Variants in PSTPIP1 observed in about 807,000 individuals in gnomAD.
PSTPIP1 encodes the protein proline-serine-threonine phosphatase interacting protein 1, also known as proline-serine-threonine phosphatase-interacting protein 1.
Under a neutral mutation model 69.6 loss-of-function variants are expected in PSTPIP1, and 66 were observed. The observed-to-expected ratio is 0.95, with a 90% CI of 0.78 to 1.16. The LOEUF (loss-of-function observed/expected upper bound fraction) is 1.16. Ranked by LOEUF, PSTPIP1 falls within the 50% of genes most tolerant of loss-of-function variation. The probability of loss-of-function intolerance (pLI) is 0.00; values close to 1 mark genes in which losing one functional copy is unlikely to be tolerated. For missense variants in PSTPIP1, 603 were observed against 557.4 expected (o/e 1.08, Z -0.82); for synonymous variants, 266 against 222.7 (o/e 1.19, Z -1.73).
intron 1 of PSTPIP1, among the ~76,000 whole-genome samples, chr15:77,010,922 A>T (rs2075921342): frequency 6.6e-6 from 1 of 152,114 alleles, no homozygotes; most frequent in Non-Finnish European, 1.5e-5. Context: ...CTGGGATTTC[A>T]GTTGTGAGCC....
intron 1 of PSTPIP1, among the ~76,000 whole-genome samples, chr15:77,009,086 T>C (rs1000045073): frequency 2.0e-5 from 3 of 152,134 alleles, no homozygotes; most frequent in Non-Finnish European, 4.4e-5. Context: ...AAACTAACTT[T>C]GGTGGTTAGA....
At position 77,035,527 on chromosome 15, in the gene PSTPIP1, G is replaced by T. The variant is rs557172402; in HGVS notation, c.949G>T (p.Gly317Ter). Residue 317 changes from glycine (G) to a stop codon, truncating the protein, a stop_gained, in exon 13 of 15, where the codon GGA becomes TGA. Coordinates refer to ENST00000558012, the MANE Select transcript of PSTPIP1 (RefSeq NM_003978.5). LOFTEE classifies it high-confidence loss of function. ...MIKRFSGLLH[G>*]SPKTTSLAAS... ...TCCCAGGTTCTCTGGACTGCTGCAC[G>T]GAAGTCCCAAGACCACTTCGTTGGC... 6.3e-7 allele frequency: 1 copy of T among 1,592,766 alleles called. No individual in the cohort carries two copies. Among genetic ancestry groups the T allele is most frequent in the Admixed American group, 1.8e-5 (1 of 57,044 alleles).
At chr15:77,033,803 C>T (rs1057122434) in intron 12 of PSTPIP1, among the ~76,000 whole-genome samples, 5 of 111,156 alleles carry the variant, frequency 4.5e-5, no homozygotes, top group Non-Finnish European at 2.0e-5. Flanking sequence ...TCGTGGGAAC[C>T]ACCCGTGCTT....
At chr15:77,035,986 G>C in intron 14 of PSTPIP1, 51 bp downstream of exon 14, 1 of 1,530,108 alleles carries the variant, frequency 6.5e-7, no homozygotes, top group Non-Finnish European at 8.8e-7. Flanking sequence ...CTGCACCTGA[G>C]AGCTCCCTCT....
chr15:77,032,499 C>T (rs1049516606), intron 11 of PSTPIP1, 105 bp downstream of exon 11: 2 of 1,239,876 alleles, frequency 1.6e-6, no homozygotes, highest in Non-Finnish European at 2.3e-6. Context: ...TAGCTCACAG[C>T]TCCCTTCAGG....
chr15:77,002,915 G>A (rs1037224956), intron 1 of PSTPIP1, among the ~76,000 whole-genome samples: 2 of 152,172 alleles, frequency 1.3e-5, no homozygotes, highest in African/African-American at 4.8e-5. Context: ...TTTGAAGGGT[G>A]GGTGAGGATT....
In PSTPIP1 at chr15:77,031,261, T is replaced by C; in HGVS notation, c.724T>C (p.Cys242Arg). Residue 242 changes from cysteine to arginine, a missense_variant, in exon 10 of 15, where the codon TGT (cysteine) becomes CGT (arginine). By Grantham distance (180) the Cys-to-Arg change is radical (BLOSUM62 -3). Transcript: ENST00000558012. ...WVHSNQLSMQ[C>R]VKDDELYEEV... ...GCACAGCAACCAGCTCTCCATGCAG[T>C]GTGTCAAGGATGATGAGGTGGGGGC... is the stretch of plus-strand genomic sequence containing the variant. 1.2e-6 allele frequency: 2 copies of C among 1,612,728 alleles called. No individual in the cohort carries two copies. The highest frequency in any genetic ancestry group is 1.1e-5 in the South Asian group (1 of 91,060).
At chr15:77,018,414 T>C in intron 2 of PSTPIP1, 43 bp from the exon 3 acceptor site, 2 of 1,553,378 alleles carry the variant, frequency 1.3e-6, no homozygotes, top group Non-Finnish European at 1.7e-6. Context: ...CCCCCAGAGG[T>C]GGCAAGTCAC....
At chr15:77,025,408 G>A in intron 4 of PSTPIP1, 90 bp downstream of exon 4, 1 of 1,580,832 alleles carries the variant, frequency 6.3e-7, no homozygotes, top group Non-Finnish European at 8.7e-7. Context: ...TGTTGGGGCT[G>A]GGGCTGGGCT....
chr15:77,032,669 C>T (rs1018641292), intron 11 of PSTPIP1, 193 bp from the exon 12 acceptor site: 1 of 629,162 alleles, frequency 1.6e-6, no homozygotes, highest in Non-Finnish European at 2.8e-6. Context: ...TTTGGTTCCA[C>T]TGGATCACGG....
At chr15:77,025,402 G>C in intron 4 of PSTPIP1, 84 bp downstream of exon 4, 1 of 1,577,890 alleles carries the variant, frequency 6.3e-7, no homozygotes, top group Non-Finnish European at 8.7e-7. Flanking sequence ...ATGAGGTGTT[G>C]GGGCTGGGGC....
chr15:77,034,697 C>G (rs1596136074), intron 12 of PSTPIP1, among the ~76,000 whole-genome samples: 1 of 152,336 alleles, frequency 6.6e-6, no homozygotes, highest in African/African-American at 2.4e-5. Context: ...CCTAGTAAAG[C>G]TTCACTCATC....
At chr15:77,001,259 G>A (rs902348771) in intron 1 of PSTPIP1, among the ~76,000 whole-genome samples, 4 of 152,238 alleles carry the variant, frequency 2.6e-5, no homozygotes, top group African/African-American at 9.6e-5. Flanking sequence ...TATTTTCCAG[G>A]GAAGGAGGCA....
intron 1 of PSTPIP1, chr15:77,007,841 G>T: frequency 4.4e-6 from 2 of 452,342 alleles, no homozygotes; most frequent in East Asian, 1.4e-4. Context: ...TGATCTGCCC[G>T]TCTAGGCCTC....
chr15:77,001,761 G>A (rs74024529), intron 1 of PSTPIP1, among the ~76,000 whole-genome samples: 4,527 of 152,268 alleles, frequency 0.03, 91 homozygotes, highest in East Asian at 0.056. Flanking sequence ...TGAAAAGTGG[G>A]GAAATAAGCA....
intron 1 of PSTPIP1, among the ~76,000 whole-genome samples, chr15:77,010,964 T>G (rs1360527491): frequency 2.0e-5 from 3 of 152,138 alleles, no homozygotes; most frequent in Non-Finnish European, 4.4e-5. Context: ...CTTTTCTGCA[T>G]GTTTTGGTTT....
In PSTPIP1 at chr15:77,032,409, G is replaced by T. The variant is rs770983844; in HGVS notation, c.838+15G>T. The T allele has an allele frequency of 1.4e-5, 22 of 1,611,934 alleles. 1 individual carries two copies. The highest frequency in any genetic ancestry group is 1.7e-4 in the Middle Eastern group (1 of 6,052). Reference sequence around the variant, plus strand: ...AGAGCCCCCCGGTGAGGTCCGGCTTGCGGACAGCGCAGCCTCTAGGTGCAT... The same window carrying T: ...AGAGCCCCCCGGTGAGGTCCGGCTTTCGGACAGCGCAGCCTCTAGGTGCAT... On this transcript the variant is annotated intron_variant, in intron 11 of 14. Transcript: ENST00000558012.
chr15:77,028,501 G>T (rs2076338947), intron 6 of PSTPIP1, 53 bp from the exon 7 acceptor site: 1 of 1,447,962 alleles, frequency 6.9e-7, no homozygotes. Flanking sequence ...CACTCCCGGG[G>T]ACCACAGAAC....
intron 1 of PSTPIP1, among the ~76,000 whole-genome samples, chr15:77,017,666 G>A (rs2076078284): frequency 1.3e-5 from 2 of 152,226 alleles, no homozygotes; most frequent in Non-Finnish European, 2.9e-5. Flanking sequence ...CAGCCAGACA[G>A]CCTGGGGTTC....
Sources: gnomAD v4.1 joint callset for allele counts (sites outside exome capture counted in the v4.1 genomes callset) on GRCh38, gnomAD v4.1.1 for gene constraint, MANE v1.5 for transcripts, NCBI Gene and HGNC (gene_info 2026-07-23, HGNC 2026-07-21) for gene names.